Variants in THSD7A observed in about 807,000 individuals in gnomAD.
THSD7A encodes thrombospondin type-1 domain-containing protein 7A.
Under a neutral mutation model 231.3 loss-of-function variants are expected in THSD7A, and 96 were observed. The ratio of observed to expected loss-of-function variants is 0.41; its 90% CI spans 0.35 to 0.49. The LOEUF (loss-of-function observed/expected upper bound fraction) is 0.49. THSD7A is among the 20% of genes least tolerant of loss of function. The probability of loss-of-function intolerance (pLI) is 0.05; values close to 1 mark genes in which losing one functional copy is unlikely to be tolerated. For missense variants in THSD7A, 2,290 were observed against 2,070.2 expected (o/e 1.11, Z -2.06); for synonymous variants, 940 against 743.3 (o/e 1.26, Z -4.30).
rs1462032396 is a variant in THSD7A, at chr7:11,593,425, G to A, written c.1100C>T (p.Ser367Leu). 2.0e-5 allele frequency: 32 copies of A among 1,613,876 alleles called. No individual in the cohort carries two copies. Among genetic ancestry groups the A allele is most frequent in the Non-Finnish European group, 2.6e-5 (31 of 1,179,898 alleles). Residue 367 changes from serine to leucine, a missense_variant, in exon 3 of 28, where the codon TCA becomes TTA. By Grantham distance (145) the Ser-to-Leu change is moderately radical. Coordinates refer to ENST00000423059, the MANE Select transcript of THSD7A (RefSeq NM_015204.3). ...ITKECQVSEW[S>L]EWSPCSKTCH... ...TGTTTTTGAGCAGGGGCTCCACTCT[G>A]ACCACTCGGAAACCTGGCACTCTTT...
At chr7:11,673,455 T>G (rs1477381906) in intron 1 of THSD7A, among the ~76,000 whole-genome samples, 1 of 152,290 alleles carries the variant, frequency 6.6e-6, no homozygotes, top group African/African-American at 2.4e-5. Context: ...TTGCAGCACC[T>G]GCTGTCTGCC....
In THSD7A at chr7:11,374,673, C is replaced by G. The variant is rs1487382618; in HGVS notation, c.*1121G>C. 1.3e-5 allele frequency: 2 copies of G among 151,024 alleles called. No homozygotes were observed. The highest frequency in any genetic ancestry group is 4.9e-5 in the African/African-American group (2 of 40,976). 9.4% of individuals were successfully genotyped at this position (151,024 alleles called of 1,614,324 possible). ...ACAAATATAAAAATCTAGTCATAAA[C>G]AGCCTTCAAAGAACAATTACAAACC... On this transcript the variant is annotated 3_prime_UTR_variant, in exon 28 of 28. Coordinates refer to ENST00000423059, the MANE Select transcript of THSD7A (RefSeq NM_015204.3).
chr7:11,830,122 C>G (rs1785151691), intron 1 of THSD7A, among the ~76,000 whole-genome samples: 1 of 152,228 alleles, frequency 6.6e-6, no homozygotes, highest in Non-Finnish European at 1.5e-5. Flanking sequence ...GTCTCCATAT[C>G]ATTGTTTCTG....
intron 6 of THSD7A, among the ~76,000 whole-genome samples, chr7:11,529,030 A>G (rs1788593070): frequency 6.6e-6 from 1 of 152,178 alleles, no homozygotes; most frequent in African/African-American, 2.4e-5. Flanking sequence ...GTTGTCTTCT[A>G]AAAACAGAAA....
intron 6 of THSD7A, among the ~76,000 whole-genome samples, chr7:11,487,057 G>A (rs561499100): frequency 6.3e-4 from 96 of 152,226 alleles, no homozygotes; most frequent in African/African-American, 2.1e-3. Flanking sequence ...CTTCAAAAAT[G>A]TAATTTTAAG....
intron 1 of THSD7A, among the ~76,000 whole-genome samples, chr7:11,717,690 T>C (rs1029322124): frequency 6.6e-6 from 1 of 151,658 alleles, no homozygotes; most frequent in Non-Finnish European, 1.5e-5. Context: ...TTGCCTGTTC[T>C]ACCCTTCATC....
At chr7:11,511,962 C>T (rs959868995) in intron 6 of THSD7A, among the ~76,000 whole-genome samples, 5 of 152,120 alleles carry the variant, frequency 3.3e-5, no homozygotes, top group African/African-American at 7.2e-5. Context: ...AGAGCTTCTG[C>T]ACAGCAAAAG....
intron 6 of THSD7A, among the ~76,000 whole-genome samples, chr7:11,483,876 A>T (rs1786534939): frequency 6.6e-6 from 1 of 152,174 alleles, no homozygotes; most frequent in South Asian, 2.1e-4. Flanking sequence ...TTCTGTGGCA[A>T]TGCAGACTTT....
At chr7:11,595,074 T>A (rs867799813) in intron 2 of THSD7A, among the ~76,000 whole-genome samples, 3 of 152,190 alleles carry the variant, frequency 2.0e-5, no homozygotes, top group South Asian at 2.1e-4. Context: ...TTTCCACCTT[T>A]GTCTGAGGAG....
At chr7:11,766,538 A>C (rs771398552) in intron 1 of THSD7A, among the ~76,000 whole-genome samples, 3 of 152,194 alleles carry the variant, frequency 2.0e-5, no homozygotes, top group Non-Finnish European at 4.4e-5. Context: ...GTTTATCCTT[A>C]TAGAGATTAA....
At chr7:11,450,927 A>G (rs896705681) in intron 11 of THSD7A, among the ~76,000 whole-genome samples, 1 of 152,012 alleles carries the variant, frequency 6.6e-6, no homozygotes, top group African/African-American at 2.4e-5. Context: ...GTAAAATTCC[A>G]TATTTAACTC....
chr7:11,412,788 T>TTTGA lies in THSD7A; in HGVS notation c.3546_3549dup (p.Ser1185LysfsTer9). ...TCAGCTGACCTTTGCCGGAAACTGCTTTGATTGCAAGGCTTAAAAAGAACA... is the reference window on the plus strand; with the variant it reads ...TCAGCTGACCTTTGCCGGAAACTGCTTTGATTGATTGCAAGGCTTAAAAAGAACA... On this transcript the variant is annotated frameshift_variant, in exon 18 of 28. Transcript: ENST00000423059. LOFTEE classifies it high-confidence loss of function. 6.2e-7 allele frequency: 1 copy of TTTGA among 1,612,302 alleles called. No individual in the cohort carries two copies. The highest frequency in any genetic ancestry group is 8.5e-7 in the Non-Finnish European group (1 of 1,178,980).
At position 11,769,122 on chromosome 7, in the gene THSD7A, A is replaced by ATAT. The variant is rs1491347103; in HGVS notation, c.190+62634_190+62635insATA. ...ACAGGCACCTGCCATAATTCCTGGC[A>ATAT]ATATATATATATATATATATATATA... On this transcript the variant is annotated intron_variant, in intron 1 of 27. Transcript: ENST00000423059. Among the ~76,000 whole-genome samples, 233 of 35,864 alleles carry ATAT rather than the reference A, an allele frequency of 6.5e-3. 48 individuals carry two copies. Among genetic ancestry groups the ATAT allele is most frequent in the Non-Finnish European group, 6.9e-3 (130 of 18,876 alleles). The allele number at this position is 35,864 out of a possible 152,430, so 23.5% of individuals were successfully genotyped here. A position where few individuals can be genotyped will look rare whatever the true frequency, so the allele number is the denominator to read the frequency against.
intron 4 of THSD7A, among the ~76,000 whole-genome samples, chr7:11,547,861 G>A (rs1789462776): frequency 6.6e-6 from 1 of 152,134 alleles, no homozygotes; most frequent in South Asian, 2.1e-4. Flanking sequence ...CACAGCTAAA[G>A]CAGTGTTAAG....
chr7:11,549,249 CTGGCAAGGTTG>C (rs1338691189), intron 4 of THSD7A, among the ~76,000 whole-genome samples: 1 of 152,044 alleles, frequency 6.6e-6, no homozygotes, highest in Non-Finnish European at 1.5e-5. Context: ...ACAATACATG[CTGGCAAGGTTG>C]TGGAGAAATA....
chr7:11,469,493 G>C (rs1785847176), intron 9 of THSD7A, among the ~76,000 whole-genome samples: 1 of 151,892 alleles, frequency 6.6e-6, no homozygotes, highest in Non-Finnish European at 1.5e-5. Flanking sequence ...AGCAAATCTG[G>C]TCCCATGTTA....
chr7:11,609,907 T>C (rs1407522311), intron 2 of THSD7A, among the ~76,000 whole-genome samples: 1 of 152,136 alleles, frequency 6.6e-6, no homozygotes, highest in African/African-American at 2.4e-5. Context: ...CTGTCCTTTG[T>C]TAAATGATCT....
chr7:11,807,233 A>T (rs1178690212), intron 1 of THSD7A, among the ~76,000 whole-genome samples: 5 of 152,184 alleles, frequency 3.3e-5, no homozygotes, highest in Non-Finnish European at 4.4e-5. Flanking sequence ...CATAGGGATC[A>T]CATGATACAA....
At chr7:11,407,126 A>T in intron 20 of THSD7A, 71 bp from the exon 21 acceptor site, 1 of 1,566,680 alleles carries the variant, frequency 6.4e-7, no homozygotes, top group Non-Finnish European at 8.7e-7. Flanking sequence ...TCATTGGGAG[A>T]AGGCATCACA....
Sources: gnomAD v4.1 joint callset for allele counts (sites outside exome capture counted in the v4.1 genomes callset) on GRCh38, gnomAD v4.1.1 for gene constraint, MANE v1.5 for transcripts, NCBI Gene and HGNC (gene_info 2026-07-23, HGNC 2026-07-21) for gene names.